LLPH: variants seen among roughly 807,000 people sequenced by gnomAD.
LLPH encodes the protein protein LLP homolog.
Under a neutral mutation model 13.3 loss-of-function variants are expected in LLPH, and 5 were observed. That is an observed-to-expected ratio of 0.38 (90% confidence interval 0.20 to 0.79). The LOEUF (loss-of-function observed/expected upper bound fraction) is 0.79. LLPH is among the 30% of genes least tolerant of loss of function. LLPH has a pLI of 0.45. For synonymous variants in LLPH, 32 were observed against 44.2 expected (o/e 0.72, Z 1.09); for missense variants, 129 against 152.1 (o/e 0.85, Z 0.80).
At chr12:66,126,441 T>C (rs907981922) in intron 2 of LLPH, among the ~76,000 whole-genome samples, 73 of 147,356 alleles carry the variant, frequency 5.0e-4, no homozygotes, top group Admixed American at 6.7e-4. Context: ...ACAAAATAAA[T>C]AGAAAACAGG....
rs1246395595 is a variant in LLPH at position 66,119,535 on chromosome 12, C to A, written c.*4305G>T. On this transcript the variant is annotated 3_prime_UTR_variant, in exon 3 of 3. Coordinates refer to ENST00000266604, the MANE Select transcript of LLPH (RefSeq NM_032338.4). Reference sequence around the variant, plus strand: ...ATTTCCTTGTAAAATTGGTATGTGTCTACTGCAACAGTGTTTTTATTAATA... The same window carrying A: ...ATTTCCTTGTAAAATTGGTATGTGTATACTGCAACAGTGTTTTTATTAATA... 6.6e-6 allele frequency: 1 copy of A among 152,158 alleles called. No homozygotes were observed. Among genetic ancestry groups the A allele is most frequent in the African/African-American group, 2.4e-5 (1 of 41,420 alleles). The allele number at this position is 152,158 out of a possible 1,614,324, so 9.4% of individuals were successfully genotyped here. A position where few individuals can be genotyped will look rare whatever the true frequency, so the allele number is the denominator to read the frequency against.
At position 66,120,016 on chromosome 12, in the gene LLPH, C is replaced by T. The variant is rs527805246; in HGVS notation, c.*3824G>A. 58 of 152,300 alleles carry T rather than the reference C, an allele frequency of 3.8e-4. No individual in the cohort carries two copies. Among genetic ancestry groups the T allele is most frequent in the African/African-American group, 1.3e-3 (56 of 41,556 alleles). 9.4% of individuals were successfully genotyped at this position (152,300 alleles called of 1,614,324 possible). A position where few individuals can be genotyped will look rare whatever the true frequency, so the allele number is the denominator to read the frequency against. On this transcript the variant is annotated 3_prime_UTR_variant, in exon 3 of 3. Coordinates refer to ENST00000266604, the MANE Select transcript of LLPH (RefSeq NM_032338.4). Reference sequence around the variant, plus strand: ...GTAGAAAATAGGATGTGGTCAAAACCACTACTTGATTCTACCTTAGAGCTT... The same window carrying T: ...GTAGAAAATAGGATGTGGTCAAAACTACTACTTGATTCTACCTTAGAGCTT...
rs537316350 is a variant in LLPH, at chr12:66,123,559, T to A, written c.*281A>T. Reference sequence around the variant, plus strand: ...CCAGTTGTAAGAACAATTCTAACCATATTAATACCTGACAGAACGTTGAGG... The same window carrying A: ...CCAGTTGTAAGAACAATTCTAACCAAATTAATACCTGACAGAACGTTGAGG... On this transcript the variant is annotated 3_prime_UTR_variant, in exon 3 of 3. Transcript: ENST00000266604. 5.7e-5 allele frequency: 23 copies of A among 405,962 alleles called. No individual in the cohort carries two copies. In the East Asian group the frequency reaches 8.1e-4, roughly 14 times the overall value. 25.1% of individuals were successfully genotyped at this position (405,962 alleles called of 1,614,324 possible).
chr12:66,126,151 C>T (rs1479871546), intron 2 of LLPH, among the ~76,000 whole-genome samples: 2 of 151,704 alleles, frequency 1.3e-5, no homozygotes, highest in African/African-American at 4.8e-5. Flanking sequence ...GGTGAAACCC[C>T]GTCTCCACTA....
rs10715438 is a variant in LLPH at position 66,121,280 on chromosome 12, C to CT, written c.*2559dup. 0.36 allele frequency: 43,800 copies of CT among 121,124 alleles called. 8,278 individuals are homozygous for CT. The highest frequency in any genetic ancestry group is 0.53 in the East Asian group (2,144 of 4,010). 7.5% of individuals were successfully genotyped at this position (121,124 alleles called of 1,614,324 possible). A position where few individuals can be genotyped will look rare whatever the true frequency, so the allele number is the denominator to read the frequency against. ...AACTGTGTAATATCACGAATGTAGA[C>CT]TTTTTTTTTTTTTTTTTTTGAGATG... is the stretch of plus-strand genomic sequence containing the variant. On this transcript the variant is annotated 3_prime_UTR_variant, in exon 3 of 3. Transcript: ENST00000266604.
In LLPH at chr12:66,123,086, T is replaced by C. The variant is rs2051473647; in HGVS notation, c.*754A>G. 6.6e-6 allele frequency: 1 copy of C among 152,106 alleles called. No homozygotes were observed. Among genetic ancestry groups the C allele is most frequent in the East Asian group, 1.9e-4 (1 of 5,190 alleles). The allele number at this position is 152,106 out of a possible 1,614,324, so 9.4% of individuals were successfully genotyped here. A position where few individuals can be genotyped will look rare whatever the true frequency, so the allele number is the denominator to read the frequency against. On this transcript the variant is annotated 3_prime_UTR_variant, in exon 3 of 3. Transcript: ENST00000266604. Reference sequence around the variant, plus strand: ...TGAAGATCTACACACAAAATATCTTTTATTCTGTGGAATCAAAGCTCCACA... The same window carrying C: ...TGAAGATCTACACACAAAATATCTTCTATTCTGTGGAATCAAAGCTCCACA...
rs1236537302 is a variant in LLPH at position 66,121,498 on chromosome 12, T to G, written c.*2342A>C. ...GGTTTCACCATGTTGGTCAGGCTGGTCTCAAACTCCTGACCTCAGGTGATC... is the reference window on the plus strand; with the variant it reads ...GGTTTCACCATGTTGGTCAGGCTGGGCTCAAACTCCTGACCTCAGGTGATC... On this transcript the variant is annotated 3_prime_UTR_variant, in exon 3 of 3. Coordinates refer to ENST00000266604, the MANE Select transcript of LLPH (RefSeq NM_032338.4). 6 of 150,266 alleles carry G rather than the reference T, an allele frequency of 4.0e-5. No individual in the cohort carries two copies. The highest frequency in any genetic ancestry group is 1.2e-4 in the African/African-American group (5 of 40,914). 9.3% of individuals were successfully genotyped at this position (150,266 alleles called of 1,614,324 possible). A position where few individuals can be genotyped will look rare whatever the true frequency, so the allele number is the denominator to read the frequency against.
chr12:66,120,756 AAAGAT>A lies in LLPH; in HGVS notation c.*3079_*3083del, dbSNP rs1223575899. 1 of 152,264 alleles carries A rather than the reference AAAGAT, an allele frequency of 6.6e-6. No individual in the cohort carries two copies. The highest frequency in any genetic ancestry group is 2.4e-5 in the African/African-American group (1 of 41,478). 9.4% of individuals were successfully genotyped at this position (152,264 alleles called of 1,614,324 possible). Reference sequence around the variant, plus strand: ...TTCAAAAAAATAAGCTAATTATTTAAAAGATAAAAGGACTATGCTATACTTCTCGA... The same window carrying A: ...TTCAAAAAAATAAGCTAATTATTTAAAAAAGGACTATGCTATACTTCTCGA... On this transcript the variant is annotated 3_prime_UTR_variant, in exon 3 of 3. Transcript: ENST00000266604.
In LLPH at chr12:66,119,716, A is replaced by G. The variant is rs2051451182; in HGVS notation, c.*4124T>C. On this transcript the variant is annotated 3_prime_UTR_variant, in exon 3 of 3. Coordinates refer to ENST00000266604, the MANE Select transcript of LLPH (RefSeq NM_032338.4). ...TATTGTAGTATTTATAAATTTGGCA[A>G]TGCCTTAGATTCCTCCCAATTTTAT... is the stretch of plus-strand genomic sequence containing the variant. 1 of 152,332 alleles carries G rather than the reference A, an allele frequency of 6.6e-6. No individual in the cohort carries two copies. The highest frequency in any genetic ancestry group is 2.1e-4 in the South Asian group (1 of 4,824). The allele number at this position is 152,332 out of a possible 1,614,324, so 9.4% of individuals were successfully genotyped here.
chr12:66,123,972 A>T lies in LLPH; in HGVS notation c.258T>A (p.Leu86=), dbSNP rs1172472962. Reference sequence around the variant, plus strand: ...TTGGGTACTGTCCATGCTGGTCTAGAAGAGTCTTTTTGTTTCTCTTAATAT... The same window carrying T: ...TTGGGTACTGTCCATGCTGGTCTAGTAGAGTCTTTTTGTTTCTCTTAATAT... The part of the protein sequence containing the change: ...ETDIKRNKKT[L]LDQHGQYPIW... The change falls in exon 3 of 3, where the codon CTT becomes CTA. Residue 86 remains leucine (L), a synonymous_variant. Coordinates refer to ENST00000266604, the MANE Select transcript of LLPH (RefSeq NM_032338.4). 1 of 1,610,900 alleles carries T rather than the reference A, an allele frequency of 6.2e-7. No individual in the cohort carries two copies. Among genetic ancestry groups the T allele is most frequent in the African/African-American group, 1.3e-5 (1 of 74,756 alleles).
rs1261186287 is a variant in LLPH at position 66,122,855 on chromosome 12, A to AT, written c.*984dup. The AT allele has an allele frequency of 6.6e-6, 1 of 152,222 alleles. No individual in the cohort carries two copies. Among genetic ancestry groups the AT allele is most frequent in the African/African-American group, 2.4e-5 (1 of 41,458 alleles). The allele number at this position is 152,222 out of a possible 1,614,324, so 9.4% of individuals were successfully genotyped here. On this transcript the variant is annotated 3_prime_UTR_variant, in exon 3 of 3. Transcript: ENST00000266604. Reference sequence around the variant, plus strand: ...ACTCCGGGGAATGCTGCATGATACTATATTAGGCCACACAATATTAACACT... The same window carrying AT: ...ACTCCGGGGAATGCTGCATGATACTATTATTAGGCCACACAATATTAACACT...
In LLPH at chr12:66,128,887, C is replaced by A; in HGVS notation, c.211+9G>T. On this transcript the variant is annotated intron_variant, in intron 2 of 2. Coordinates refer to ENST00000266604, the MANE Select transcript of LLPH (RefSeq NM_032338.4). ...AAAAAAGAGAAAGAAAAAGGAGAAGCACACTCACCTTTTTCATCTTTTACC... is the reference window on the plus strand; with the variant it reads ...AAAAAAGAGAAAGAAAAAGGAGAAGAACACTCACCTTTTTCATCTTTTACC... The A allele has an allele frequency of 6.4e-7, 1 of 1,568,426 alleles. No individual in the cohort carries two copies. Among genetic ancestry groups the A allele is most frequent in the South Asian group, 1.2e-5 (1 of 86,022 alleles).
In LLPH at chr12:66,129,024, C is replaced by T. The variant is rs758818607; in HGVS notation, c.83G>A (p.Arg28Lys). 7 of 1,611,084 alleles carry T rather than the reference C, an allele frequency of 4.3e-6. No homozygotes were observed. In the South Asian group the frequency reaches 7.7e-5, roughly 18 times the overall value. Residue 28 changes from arginine (R) to lysine (K), a missense_variant, in exon 2 of 3, where the codon AGG becomes AAG. Transcript: ENST00000266604. ...GTCTAGTTTGAGAATACTTTTAAGC[C>T]TGCTGGCCTCCTTTGGGGCATTCTT... The part of the protein sequence containing the change: ...RKKNAPKEAS[R>K]LKSILKLDGD...
At position 66,119,288 on chromosome 12, in the gene LLPH, C is replaced by A. The variant is rs2051448342; in HGVS notation, c.*4552G>T. On this transcript the variant is annotated 3_prime_UTR_variant, in exon 3 of 3. Transcript: ENST00000266604. ...GTTGGCTGTTGGGTTATTTTTACTG[C>A]TTGCCTACCAAATTAAGCTTATTTG... The A allele has an allele frequency of 1.3e-5, 2 of 152,192 alleles. No homozygotes were observed. Among genetic ancestry groups the A allele is most frequent in the African/African-American group, 2.4e-5 (1 of 41,440 alleles). 9.4% of individuals were successfully genotyped at this position (152,192 alleles called of 1,614,324 possible).
chr12:66,128,951 T>C lies in LLPH; in HGVS notation c.156A>G (p.Val52=). 6.2e-7 allele frequency: 1 copy of C among 1,613,706 alleles called. No individual in the cohort carries two copies. The highest frequency in any genetic ancestry group is 1.3e-5 in the African/African-American group (1 of 75,010). ...KDVQEIATVV[V]PKPKHCQEKM... is the part of the protein sequence containing the mutation. ...TCTCTTGGCAATGTTTGGGTTTGGGTACCACCACAGTTGCTATCTCTTGAA... is the reference window on the plus strand; with the variant it reads ...TCTCTTGGCAATGTTTGGGTTTGGGCACCACCACAGTTGCTATCTCTTGAA... The change falls in exon 2 of 3, where the codon GTA becomes GTG. Residue 52 remains valine, a synonymous_variant. Coordinates refer to ENST00000266604, the MANE Select transcript of LLPH (RefSeq NM_032338.4).
intron 2 of LLPH, 101 bp from the exon 3 acceptor site, chr12:66,124,119 G>A: frequency 2.8e-6 from 2 of 722,874 alleles, no homozygotes; most frequent in Non-Finnish European, 4.5e-6. Context: ...TAGAACTGAA[G>A]GTAGACCGAA....
In LLPH at chr12:66,123,067, T is replaced by C. The variant is rs1407934632; in HGVS notation, c.*773A>G. On this transcript the variant is annotated 3_prime_UTR_variant, in exon 3 of 3. Coordinates refer to ENST00000266604, the MANE Select transcript of LLPH (RefSeq NM_032338.4). ...AAGAAAAAAAAATCAGACTTGAAGA[T>C]CTACACACAAAATATCTTTTATTCT... 3 of 151,842 alleles carry C rather than the reference T, an allele frequency of 2.0e-5. No homozygotes were observed. The highest frequency in any genetic ancestry group is 1.3e-4 in the Admixed American group (2 of 15,232). The allele number at this position is 151,842 out of a possible 1,614,324, so 9.4% of individuals were successfully genotyped here.
rs1050222495 is a variant in LLPH, at chr12:66,117,502, T to G, written c.*6338A>C. On this transcript the variant is annotated 3_prime_UTR_variant, in exon 3 of 3. Transcript: ENST00000266604. ...GATGCTGGTGTAAACAAACCTACTGTGCTGTCAGTCATATAAAGGTATAGC... is the reference window on the plus strand; with the variant it reads ...GATGCTGGTGTAAACAAACCTACTGGGCTGTCAGTCATATAAAGGTATAGC... 1.3e-5 allele frequency: 2 copies of G among 152,246 alleles called. No individual in the cohort carries two copies. Among genetic ancestry groups the G allele is most frequent in the Admixed American group, 6.5e-5 (1 of 15,288 alleles). 9.4% of individuals were successfully genotyped at this position (152,246 alleles called of 1,614,324 possible).
chr12:66,120,077 T>C lies in LLPH; in HGVS notation c.*3763A>G, dbSNP rs929301315. 2 of 151,930 alleles carry C rather than the reference T, an allele frequency of 1.3e-5. No homozygotes were observed. The highest frequency in any genetic ancestry group is 2.9e-5 in the Non-Finnish European group (2 of 68,044). The allele number at this position is 151,930 out of a possible 1,614,324, so 9.4% of individuals were successfully genotyped here. ...TTGCATTTCTTCTCTGATTAGTACC[T>C]TGGGCAACTACTGATCATGGCCTAC... On this transcript the variant is annotated 3_prime_UTR_variant, in exon 3 of 3. Transcript: ENST00000266604.
Sources: allele counts gnomAD v4.1 joint callset (sites outside exome capture counted in the v4.1 genomes callset), GRCh38; gene constraint gnomAD v4.1.1; transcripts MANE v1.5; gene names NCBI Gene and HGNC (gene_info 2026-07-23, HGNC 2026-07-21).